The following CAND2 variants were observed in gnomAD, a reference collection of about 807,000 sequenced individuals.
CAND2 encodes cullin associated and neddylation dissociated 2 (putative), also known as cullin-associated NEDD8-dissociated protein 2.
In CAND2, 62 loss-of-function variants were observed where a neutral mutation model predicts 98.9. That is an observed-to-expected ratio of 0.63 (90% CI 0.51 to 0.77). The LOEUF (loss-of-function observed/expected upper bound fraction) is 0.77. CAND2 is among the 30% of genes least tolerant of loss of function. CAND2 has a pLI of 0.00. For synonymous variants in CAND2, 770 were observed against 731.9 expected (o/e 1.05, Z -0.84); for missense variants, 1,501 against 1,655.2 (o/e 0.91, Z 1.62).
intron 13 of CAND2, among the ~76,000 whole-genome samples, chr3:12,828,991 T>C (rs1190991924): frequency 6.6e-6 from 1 of 152,226 alleles, no homozygotes; most frequent in African/African-American, 2.4e-5. Context: ...TTCTGGCTAT[T>C]ATGAGTAATG....
intron 5 of CAND2, among the ~76,000 whole-genome samples, chr3:12,811,503 A>T (rs1286066069): frequency 6.6e-6 from 1 of 152,222 alleles, no homozygotes; most frequent in Non-Finnish European, 1.5e-5. Context: ...TTAGGCCAGG[A>T]CATGAATAAT....
chr3:12,804,322 G>A (rs558070790), intron 2 of CAND2, among the ~76,000 whole-genome samples: 3 of 152,064 alleles, frequency 2.0e-5, no homozygotes, highest in Non-Finnish European at 4.4e-5. Context: ...AAGTTGCCGG[G>A]CATGGTGGTG....
rs1272123566 is a variant in CAND2, at chr3:12,817,056, G to T, written c.2124G>T (p.Met708Ile). 1 of 1,612,992 alleles carries T rather than the reference G, an allele frequency of 6.2e-7. No individual in the cohort carries two copies. The highest frequency in any genetic ancestry group is 8.5e-7 in the Non-Finnish European group (1 of 1,179,980). Residue 708 changes from methionine (M) to isoleucine (I), a missense_variant, in exon 10 of 15, where the codon ATG becomes ATT. Around this residue, in one of 3 missense-constraint regions of CAND2, gnomAD observed 1,427 missense variants for 1,545.3 expected, o/e 0.92. Transcript: ENST00000456430. Reference protein sequence around the residue: ...ELPALVNESDMHVAQLAVDFL... With the variant: ...ELPALVNESDIHVAQLAVDFL... Reference sequence around the variant, plus strand: ...CTGCCCTGGTCAACGAGAGCGACATGCATGTGGCCCAGCTGGCTGTGGACT... The same window carrying T: ...CTGCCCTGGTCAACGAGAGCGACATTCATGTGGCCCAGCTGGCTGTGGACT...
In CAND2 at chr3:12,817,602, T is replaced by C. The variant is rs768902069; in HGVS notation, c.2670T>C (p.Ala890=). 5.0e-6 allele frequency: 8 copies of C among 1,613,724 alleles called. No individual in the cohort carries two copies. Among genetic ancestry groups the C allele is most frequent in the Non-Finnish European group, 5.1e-6 (6 of 1,180,010 alleles). The part of the protein sequence containing the change: ...AASYALGRVG[A]GSLPDFLPFL... ...CGTATGCACTGGGCCGTGTGGGTGCTGGCAGCCTGCCCGACTTCCTGCCCT... is the reference window on the plus strand; with the variant it reads ...CGTATGCACTGGGCCGTGTGGGTGCCGGCAGCCTGCCCGACTTCCTGCCCT... The change falls in exon 10 of 15, where the codon GCT becomes GCC. Residue 890 remains alanine (A), a synonymous_variant. Coordinates refer to ENST00000456430, the MANE Select transcript of CAND2 (RefSeq NM_001162499.2).
intron 7 of CAND2, 136 bp downstream of exon 7, chr3:12,813,524 C>T (rs1457569669): frequency 1.9e-5 from 15 of 770,502 alleles, no homozygotes; most frequent in East Asian, 2.7e-5. Flanking sequence ...CAGTCCCACC[C>T]GCTGTGACTG....
At chr3:12,833,509 G>A (rs1169386753) in intron 14 of CAND2, among the ~76,000 whole-genome samples, 1 of 152,178 alleles carries the variant, frequency 6.6e-6, no homozygotes, top group African/African-American at 2.4e-5. Context: ...GCTGCTCAGA[G>A]GCCCCTCAGG....
intron 12 of CAND2, among the ~76,000 whole-genome samples, chr3:12,826,632 G>A (rs1575781148): frequency 6.6e-6 from 1 of 151,986 alleles, no homozygotes; most frequent in African/African-American, 2.4e-5. Flanking sequence ...GTTTTGCCAT[G>A]TTGCCCAGAC....
At chr3:12,827,266 T>C (rs1205582797) in intron 12 of CAND2, among the ~76,000 whole-genome samples, 174 bp from the exon 13 acceptor site, 2 of 152,172 alleles carry the variant, frequency 1.3e-5, no homozygotes, top group Admixed American at 6.5e-5. Context: ...GCCACTGTTA[T>C]CACTTGGGGG....
In CAND2 at chr3:12,834,072, T is replaced by G; in HGVS notation, c.*90T>G. On this transcript the variant is annotated 3_prime_UTR_variant, in exon 15 of 15. Transcript: ENST00000456430. ...CCATCCCACCATCGCAGGTCTCTACTTTTGCCCTTCCACCATCTCACTGGG... is the reference window on the plus strand; with the variant it reads ...CCATCCCACCATCGCAGGTCTCTACGTTTGCCCTTCCACCATCTCACTGGG... The G allele has an allele frequency of 9.2e-7, 1 of 1,091,308 alleles. No individual in the cohort carries two copies. Among genetic ancestry groups the G allele is most frequent in the East Asian group, 2.4e-5 (1 of 41,816 alleles). The allele number at this position is 1,091,308 out of a possible 1,614,324, so 67.6% of individuals were successfully genotyped here. A position where few individuals can be genotyped will look rare whatever the true frequency, so the allele number is the denominator to read the frequency against.
intron 11 of CAND2, among the ~76,000 whole-genome samples, chr3:12,821,233 CA>C (rs10589402): frequency 0.18 from 24,572 of 139,516 alleles, 2,309 homozygotes; most frequent in African/African-American, 0.26. Flanking sequence ...GACTCCGTCT[CA>C]AAAAAAAAAA....
At chr3:12,813,194 C>T (rs1322717950) in intron 6 of CAND2, 52 bp from the exon 7 acceptor site, 20 of 1,603,986 alleles carry the variant, frequency 1.2e-5, no homozygotes, top group South Asian at 6.7e-5. Flanking sequence ...GCCCTGTCCC[C>T]CACTCCTGTC....
intron 13 of CAND2, among the ~76,000 whole-genome samples, chr3:12,827,826 A>G (rs560473074): frequency 2.0e-5 from 3 of 152,128 alleles, no homozygotes; most frequent in African/African-American, 4.8e-5. Context: ...GCAACCAGAA[A>G]AAAAAAATTG....
intron 10 of CAND2, among the ~76,000 whole-genome samples, chr3:12,819,503 A>T (rs9875294): frequency 0.1 from 15,908 of 152,184 alleles, 2,689 homozygotes; most frequent in African/African-American, 0.36. Flanking sequence ...AGCAAGCGGC[A>T]AAGCACAAGT....
At chr3:12,825,981 C>T (rs1429114642) in intron 12 of CAND2, among the ~76,000 whole-genome samples, 3 of 152,190 alleles carry the variant, frequency 2.0e-5, no homozygotes, top group Non-Finnish European at 4.4e-5. Flanking sequence ...TGAACATCTG[C>T]ACTGCGCCCA....
intron 2 of CAND2, 198 bp from the exon 3 acceptor site, chr3:12,807,108 A>G: frequency 2.0e-6 from 1 of 492,696 alleles, no homozygotes; most frequent in Non-Finnish European, 3.6e-6. Context: ...ACAAGAAGAA[A>G]TGTAGGTTTG....
At chr3:12,818,681 T>C (rs2061929746) in intron 10 of CAND2, among the ~76,000 whole-genome samples, 1 of 152,232 alleles carries the variant, frequency 6.6e-6, no homozygotes, top group African/African-American at 2.4e-5. Context: ...CTTGACAGAA[T>C]GCAGGTACAG....
chr3:12,830,246 C>A (rs1482985693), intron 13 of CAND2, among the ~76,000 whole-genome samples: 1 of 152,168 alleles, frequency 6.6e-6, no homozygotes, highest in East Asian at 1.9e-4. Flanking sequence ...ATTCCAGCCC[C>A]AAGATCTTGG....
chr3:12,827,045 A>C (rs1445233338), intron 12 of CAND2, among the ~76,000 whole-genome samples: 1 of 151,852 alleles, frequency 6.6e-6, no homozygotes, highest in African/African-American at 2.4e-5. Context: ...GTTAGCCAGG[A>C]TGGCCTCAAT....
chr3:12,832,944 A>AG (rs2062067021), intron 14 of CAND2, among the ~76,000 whole-genome samples: 1 of 152,208 alleles, frequency 6.6e-6, no homozygotes, highest in Non-Finnish European at 1.5e-5. Context: ...GGGGTTTCAG[A>AG]GAAGGGAGTG....
Sources: allele counts gnomAD v4.1 joint callset (sites outside exome capture counted in the v4.1 genomes callset), GRCh38; gene constraint gnomAD v4.1.1; regional missense constraint gnomAD v4.1.1; transcripts MANE v1.5; gene names NCBI Gene and HGNC (gene_info 2026-07-23, HGNC 2026-07-21).